Variants in CDH17 observed in about 807,000 individuals in gnomAD.
The protein encoded by CDH17 is cadherin 17.
In CDH17, 67 loss-of-function variants were observed where a neutral mutation model predicts 86.3. That is an observed-to-expected ratio of 0.78 (90% CI 0.64 to 0.95). CDH17 has a LOEUF of 0.95. Among genes scored for constraint, CDH17 ranks in the 40% least tolerant of loss-of-function variants. The pLI, the probability that CDH17 is intolerant of heterozygous loss-of-function variation, is 0.00. For missense variants in CDH17, 993 were observed against 1,017.6 expected (o/e 0.98, Z 0.33); for synonymous variants, 367 against 366.4 (o/e 1.00, Z -0.02).
intron 2 of CDH17, among the ~76,000 whole-genome samples, chr8:94,194,305 G>A (rs1031285631): frequency 6.6e-6 from 1 of 152,212 alleles, no homozygotes; most frequent in Admixed American, 6.5e-5. Context: ...AAGATTAAGG[G>A]ACACAGACTA....
intron 1 of CDH17, among the ~76,000 whole-genome samples, chr8:94,198,222 G>A (rs1283950814): frequency 6.6e-6 from 1 of 152,120 alleles, no homozygotes; most frequent in Admixed American, 6.5e-5. Flanking sequence ...TTAAGGAAAA[G>A]CTAGGATTAA....
At chr8:94,129,337 A>G (rs538435010) in intron 17 of CDH17, among the ~76,000 whole-genome samples, 27 of 152,298 alleles carry the variant, frequency 1.8e-4, no homozygotes, top group Middle Eastern at 3.4e-3. Flanking sequence ...TGTGCAGTAG[A>G]TAGTGGTTCT....
upstream of CDH17, among the ~76,000 whole-genome samples, chr8:94,213,274 C>T (rs937870218): frequency 6.6e-6 from 1 of 152,176 alleles, no homozygotes; most frequent in South Asian, 2.1e-4. Context: ...GCCTGGCTGG[C>T]ACTCTGGATT....
intron 1 of CDH17, among the ~76,000 whole-genome samples, chr8:94,205,794 A>G (rs1307077939): frequency 6.6e-6 from 1 of 152,128 alleles, no homozygotes; most frequent in African/African-American, 2.4e-5. Flanking sequence ...GAACAACACA[A>G]TCATATAATG....
chr8:94,138,334 A>G (rs1362823901), intron 15 of CDH17, among the ~76,000 whole-genome samples: 1 of 152,200 alleles, frequency 6.6e-6, no homozygotes, highest in African/African-American at 2.4e-5. Context: ...GGGTTTAAAG[A>G]TTTATATATT....
rs866455829 is a variant in CDH17 at position 94,197,838 on chromosome 8, A to G, written c.-20-3133T>C. 2.0e-5 allele frequency among the ~76,000 whole-genome samples: 3 copies of G among 150,672 alleles called. No individual in the cohort carries two copies. The Admixed American group carries it at 2.0e-4, about 10-fold the overall frequency. The stretch of plus-strand genomic sequence containing the variant: ...GGAACGAGACTCTGTCTAAAAAAAA[A>G]AAAAAAAAAAGAAAAAAAGAAAAAG... On this transcript the variant is annotated intron_variant, in intron 1 of 17. Coordinates refer to ENST00000027335, the MANE Select transcript of CDH17 (RefSeq NM_004063.4).
chr8:94,207,739 A>G lies in CDH17; in HGVS notation c.-21+744T>C, dbSNP rs77845554. On this transcript the variant is annotated intron_variant, in intron 1 of 17. Transcript: ENST00000027335. ...CCTACCACAGAGGGCATCTGTCCCT[A>G]TAAAGTCACCTGTCATAAAAGACCA... Among the ~76,000 whole-genome samples, 19 of 152,346 alleles carry G rather than the reference A, an allele frequency of 1.2e-4. No individual in the cohort carries two copies. The East Asian group carries it at 3.7e-3, about 29-fold the overall frequency.
At chr8:94,145,825 A>G in intron 15 of CDH17, 103 bp downstream of exon 15, 1 of 1,276,066 alleles carries the variant, frequency 7.8e-7, no homozygotes, top group Admixed American at 2.3e-5. Flanking sequence ...TTCCTGAAGC[A>G]TGAAAGAAAG....
At chr8:94,199,950 G>T (rs7833188) in intron 1 of CDH17, among the ~76,000 whole-genome samples, 1 of 152,182 alleles carries the variant, frequency 6.6e-6, no homozygotes, top group South Asian at 2.1e-4. Flanking sequence ...TGCCACTCAC[G>T]TTTGCTTAGT....
intron 15 of CDH17, among the ~76,000 whole-genome samples, chr8:94,131,643 T>G (rs56410061): frequency 4.9e-5 from 7 of 141,710 alleles, no homozygotes; most frequent in Non-Finnish European, 1.1e-4. Flanking sequence ...AAAGCCATTT[T>G]TTTTTTTATC....
At chr8:94,166,497 T>C (rs1192354591) in intron 9 of CDH17, among the ~76,000 whole-genome samples, 1 of 152,190 alleles carries the variant, frequency 6.6e-6, no homozygotes, top group African/African-American at 2.4e-5. Context: ...CCTATGAATC[T>C]GGGGGAGGGG....
intron 5 of CDH17, among the ~76,000 whole-genome samples, chr8:94,175,932 C>T (rs1298522279): frequency 6.6e-6 from 1 of 152,116 alleles, no homozygotes; most frequent in African/African-American, 2.4e-5. Flanking sequence ...CTCTGTTGCC[C>T]AGACCGAGTG....
intron 3 of CDH17, among the ~76,000 whole-genome samples, chr8:94,178,019 A>C (rs1813408090): frequency 3.3e-5 from 5 of 152,222 alleles, no homozygotes; most frequent in Admixed American, 3.3e-4. Flanking sequence ...AATCTATGAC[A>C]TTACTAGCTT....
In CDH17 at chr8:94,162,124, C is replaced by A; in HGVS notation, c.1321G>T (p.Asp441Tyr). The A allele has an allele frequency of 6.2e-7, 1 of 1,608,826 alleles. No homozygotes were observed. Among genetic ancestry groups the A allele is most frequent in the Non-Finnish European group, 8.5e-7 (1 of 1,175,374 alleles). The stretch of plus-strand genomic sequence containing the variant: ...AAGATGGGGATCTGATCATTGATAT[C>A]AATAACGTTGATTTGCACAAAACAA... ...TLCFVQINVI[D>Y]INDQIPIFEK... Residue 441 changes from aspartate (D) to tyrosine (Y), a missense_variant, in exon 11 of 18, where the codon GAT (aspartate) becomes TAT (tyrosine). Coordinates refer to ENST00000027335, the MANE Select transcript of CDH17 (RefSeq NM_004063.4).
At chr8:94,178,145 G>A (rs1813409910) in intron 3 of CDH17, among the ~76,000 whole-genome samples, 1 of 152,152 alleles carries the variant, frequency 6.6e-6, no homozygotes, top group South Asian at 2.1e-4. Context: ...GAATTTATAA[G>A]TGGCTTTAAC....
intron 9 of CDH17, among the ~76,000 whole-genome samples, chr8:94,169,975 G>A (rs1382424018): frequency 2.0e-5 from 3 of 152,174 alleles, no homozygotes; most frequent in Admixed American, 6.5e-5. Context: ...CAGGGTGTCT[G>A]TCTGACTTTG....
At chr8:94,143,754 A>G (rs990630213) in intron 15 of CDH17, among the ~76,000 whole-genome samples, 1 of 152,230 alleles carries the variant, frequency 6.6e-6, no homozygotes, top group Non-Finnish European at 1.5e-5. Context: ...CTTCAAACTT[A>G]TTCTGCAGTT....
chr8:94,189,261 T>TC lies in CDH17; in HGVS notation c.75dup (p.Lys26GlufsTer3). On this transcript the variant is annotated frameshift_variant, in exon 3 of 18. Transcript: ENST00000027335. LOFTEE classifies it high-confidence loss of function. Reference sequence around the variant, plus strand: ...ATGGGTTTCAGGGGTCCACTAAACTTCCCCTCTTGGCCATATCCAGTTGCC... The same window carrying TC: ...ATGGGTTTCAGGGGTCCACTAAACTTCCCCCTCTTGGCCATATCCAGTTGCC... 6.2e-7 allele frequency: 1 copy of TC among 1,612,648 alleles called. No homozygotes were observed. Among genetic ancestry groups the TC allele is most frequent in the East Asian group, 2.2e-5 (1 of 44,832 alleles).
At chr8:94,167,060 C>A (rs979591874) in intron 9 of CDH17, among the ~76,000 whole-genome samples, 3 of 152,174 alleles carry the variant, frequency 2.0e-5, no homozygotes, top group Non-Finnish European at 4.4e-5. Flanking sequence ...GAGAAGCCAA[C>A]CCTAGATTGC....
Sources: gnomAD v4.1 joint callset for allele counts (sites outside exome capture counted in the v4.1 genomes callset) on GRCh38, gnomAD v4.1.1 for gene constraint, MANE v1.5 for transcripts, NCBI Gene and HGNC (gene_info 2026-07-23, HGNC 2026-07-21) for gene names.